The following POPDC1 variants were observed in gnomAD, a reference collection of about 807,000 sequenced individuals.
POPDC1 encodes popeye domain cAMP effector 1.
chr6:105,123,052 A>T, the POPDC1 span, among the ~76,000 whole-genome samples: 1 of 152,348 alleles, frequency 6.6e-6, no homozygotes, highest in Non-Finnish European at 1.5e-5. Context: ...GTGTTCTTTT[A>T]TCTCCAATTT....
At chr6:105,106,089 A>AT in the POPDC1 span, among the ~76,000 whole-genome samples, 9 of 152,030 alleles carry the variant, frequency 5.9e-5, no homozygotes, top group African/African-American at 2.2e-4. Context: ...TTCTGTAGTA[A>AT]TTTTTTTTCT....
At chr6:105,120,663 G>T in the POPDC1 span, among the ~76,000 whole-genome samples, 1 of 152,110 alleles carries the variant, frequency 6.6e-6, no homozygotes, top group African/African-American at 2.4e-5. Context: ...CAAGGTACTG[G>T]ATCAGTTCCT....
At chr6:105,103,370 T>C in the POPDC1 span, among the ~76,000 whole-genome samples, 4 of 152,316 alleles carry the variant, frequency 2.6e-5, no homozygotes, top group African/African-American at 4.8e-5. Context: ...AAATTCATCA[T>C]TGCTCATAAG....
chr6:105,111,946 C>A, the POPDC1 span, among the ~76,000 whole-genome samples: 1 of 152,174 alleles, frequency 6.6e-6, no homozygotes, highest in African/African-American at 2.4e-5. Context: ...AACTTCTACA[C>A]CCAACTACCG....
At chr6:105,130,593 A>C in the POPDC1 span, among the ~76,000 whole-genome samples, 1 of 152,212 alleles carries the variant, frequency 6.6e-6, no homozygotes, top group South Asian at 2.1e-4. Flanking sequence ...TATTCTGAGA[A>C]ACATTTCGTT....
chr6:105,134,347 A>G, the POPDC1 span, among the ~76,000 whole-genome samples: 4 of 152,236 alleles, frequency 2.6e-5, no homozygotes, highest in Non-Finnish European at 5.9e-5. Context: ...TAGCAAGTAC[A>G]TTTAAAGAAT....
At chr6:105,116,352 T>C in the POPDC1 span, among the ~76,000 whole-genome samples, 1 of 152,196 alleles carries the variant, frequency 6.6e-6, no homozygotes, top group Non-Finnish European at 1.5e-5. Context: ...AACTTCCTGA[T>C]CGCTGGGGTC....
At chr6:105,120,539 T>A in the POPDC1 span, among the ~76,000 whole-genome samples, 4,369 of 152,300 alleles carry the variant, frequency 0.029, 140 homozygotes, top group African/African-American at 0.081. Context: ...TGAGTCCTTG[T>A]GAAGAATTTT....
At chr6:105,104,279 T>A in the POPDC1 span, among the ~76,000 whole-genome samples, 21 of 152,252 alleles carry the variant, frequency 1.4e-4, no homozygotes, top group East Asian at 7.7e-4. Context: ...TCTACCCTCT[T>A]CATCTCAATA....
the POPDC1 span, among the ~76,000 whole-genome samples, chr6:105,109,747 G>C: frequency 4.3e-4 from 6 of 13,864 alleles, no homozygotes; most frequent in African/African-American, 5.1e-4. Flanking sequence ...CTGGATGACA[G>C]AGTGAGACCC....
the POPDC1 span, among the ~76,000 whole-genome samples, chr6:105,104,495 G>A: frequency 6.6e-6 from 1 of 152,080 alleles, no homozygotes; most frequent in Non-Finnish European, 1.5e-5. Context: ...GCCACATAGG[G>A]AACCTCAGAA....
chr6:105,113,956 A>AC, the POPDC1 span, among the ~76,000 whole-genome samples: 3 of 151,154 alleles, frequency 2.0e-5, no homozygotes, highest in African/African-American at 7.3e-5. Context: ...ACACACACAC[A>AC]AAAAAAACAA....
the POPDC1 span, among the ~76,000 whole-genome samples, chr6:105,135,044 T>A: frequency 1.4e-3 from 209 of 152,290 alleles, 1 homozygote; most frequent in Middle Eastern, 0.014. Context: ...CCTCTATCAC[T>A]CATAACCCAA....
At chr6:105,118,441 C>G in the POPDC1 span, among the ~76,000 whole-genome samples, 1 of 152,200 alleles carries the variant, frequency 6.6e-6, no homozygotes, top group African/African-American at 2.4e-5. Flanking sequence ...GCATCAGCAT[C>G]TAAGACTTGA....
At chr6:105,101,197 G>A in the POPDC1 span, 1 of 1,611,582 alleles carries the variant, frequency 6.2e-7, no homozygotes, top group Non-Finnish European at 8.5e-7. Flanking sequence ...AGGCTCGCTG[G>A]TGTGGGGATG....
the POPDC1 span, among the ~76,000 whole-genome samples, chr6:105,103,834 T>C: frequency 2.0e-5 from 3 of 152,162 alleles, no homozygotes; most frequent in African/African-American, 4.8e-5. Flanking sequence ...ACCTATACTT[T>C]GCATTTTTTT....
the POPDC1 span, chr6:105,124,805 G>T: frequency 1.6e-6 from 1 of 627,512 alleles, no homozygotes; most frequent in Non-Finnish European, 2.7e-6. Flanking sequence ...CACTTCTTGA[G>T]GCACAAGTAT....
chr6:105,129,166 A>G, the POPDC1 span, among the ~76,000 whole-genome samples: 3 of 152,196 alleles, frequency 2.0e-5, no homozygotes. Flanking sequence ...TATGCTAATG[A>G]TTTTTAAAGT....
chr6:105,125,337 G>T, the POPDC1 span: 39 of 1,571,294 alleles, frequency 2.5e-5, 1 homozygote, highest in African/African-American at 5.0e-4. Context: ...CTTCCCAGAG[G>T]CCATGAAAAG....
Sources: allele counts gnomAD v4.1 joint callset (sites outside exome capture counted in the v4.1 genomes callset), GRCh38; gene constraint gnomAD v4.1.1; transcripts MANE v1.5; gene names NCBI Gene and HGNC (gene_info 2026-07-23, HGNC 2026-07-21).